Variants in ATP8A1 observed in about 807,000 individuals in gnomAD.
ATP8A1 encodes the protein phospholipid-transporting ATPase IA.
Under a neutral mutation model 177.7 loss-of-function variants are expected in ATP8A1, and 90 were observed. The ratio of observed to expected loss-of-function variants is 0.51; its 90% CI spans 0.43 to 0.60. The LOEUF (loss-of-function observed/expected upper bound fraction) is 0.60. ATP8A1 is among the 20% of genes least tolerant of loss of function. The pLI is 0.00. For synonymous variants in ATP8A1, 493 were observed against 485.9 expected (o/e 1.01, Z -0.19); for missense variants, 1,072 against 1,392.8 (o/e 0.77, Z 3.67).
chr4:42,564,799 T>C (rs1351975520), intron 15 of ATP8A1, among the ~76,000 whole-genome samples: 1 of 152,128 alleles, frequency 6.6e-6, no homozygotes, highest in African/African-American at 2.4e-5. Flanking sequence ...GGTTTTGAAA[T>C]GTGAGGACAT....
chr4:42,540,581 A>G (rs1284811777), intron 20 of ATP8A1, among the ~76,000 whole-genome samples: 2 of 152,076 alleles, frequency 1.3e-5, no homozygotes, highest in Non-Finnish European at 2.9e-5. Flanking sequence ...GTATATACAC[A>G]CAATGGTATA....
intron 25 of ATP8A1, among the ~76,000 whole-genome samples, chr4:42,477,455 A>C (rs1465076074): frequency 6.6e-6 from 1 of 152,136 alleles, no homozygotes; most frequent in Non-Finnish European, 1.5e-5. Context: ...TTATACATAT[A>C]CGCCACAGCC....
At chr4:42,541,667 A>G (rs1443955051) in intron 20 of ATP8A1, among the ~76,000 whole-genome samples, 1 of 152,254 alleles carries the variant, frequency 6.6e-6, no homozygotes. Flanking sequence ...GCACATCCAG[A>G]CAATGGATTA....
intron 33 of ATP8A1, among the ~76,000 whole-genome samples, chr4:42,426,677 G>A (rs1313484932): frequency 6.6e-6 from 1 of 152,110 alleles, no homozygotes; most frequent in Non-Finnish European, 1.5e-5. Context: ...CTTGTCTCTG[G>A]TTCTTTCCAG....
chr4:42,522,925 G>C (rs985582502), intron 21 of ATP8A1, among the ~76,000 whole-genome samples: 1 of 152,138 alleles, frequency 6.6e-6, no homozygotes, highest in African/African-American at 2.4e-5. Context: ...CAGGGACCCA[G>C]AGTTCTTCAG....
chr4:42,423,380 A>C (rs1289371922), intron 34 of ATP8A1, among the ~76,000 whole-genome samples: 1 of 151,998 alleles, frequency 6.6e-6, no homozygotes, highest in Non-Finnish European at 1.5e-5. Context: ...CCCCGATGTA[A>C]TTTTCTCCAG....
Position 42,464,968 on chromosome 4 carries a change from T to G in ATP8A1, c.2433A>C (p.Thr811=). 1 of 1,614,230 alleles carries G rather than the reference T, an allele frequency of 6.2e-7. No homozygotes were observed. Among genetic ancestry groups the G allele is most frequent in the African/African-American group, 1.3e-5 (1 of 75,056 alleles). ...DGANDVSMIQ[T]AHVGVGISGN... is the part of the protein sequence containing the mutation. ...CACTGATACCAACACCAACGTGCGCTGTCTGTATCATGCTGACATCATTTG... is the reference window on the plus strand; with the variant it reads ...CACTGATACCAACACCAACGTGCGCGGTCTGTATCATGCTGACATCATTTG... Residue 811 remains threonine (T), a synonymous_variant, in exon 26 of 37, where the codon ACA becomes ACC. Coordinates refer to ENST00000381668, the MANE Select transcript of ATP8A1 (RefSeq NM_006095.2).
At chr4:42,418,251 C>G (rs907542325) in intron 35 of ATP8A1, among the ~76,000 whole-genome samples, 1 of 152,114 alleles carries the variant, frequency 6.6e-6, no homozygotes, top group Non-Finnish European at 1.5e-5. Context: ...TCAGTGAGGA[C>G]TGACCTGAAG....
intron 33 of ATP8A1, among the ~76,000 whole-genome samples, chr4:42,437,129 G>A (rs1577929354): frequency 1.3e-5 from 2 of 152,150 alleles, no homozygotes; most frequent in South Asian, 2.1e-4. Context: ...GATGGTGCTC[G>A]GGAGGACTTT....
chr4:42,431,787 A>C (rs1240705933), intron 33 of ATP8A1, among the ~76,000 whole-genome samples: 1 of 152,114 alleles, frequency 6.6e-6, no homozygotes, highest in Non-Finnish European at 1.5e-5. Context: ...TCTCTTTTTA[A>C]AACCTATCTG....
At position 42,588,248 on chromosome 4, in the gene ATP8A1, A is replaced by G; in HGVS notation, c.594+12T>C. 1 of 1,595,322 alleles carries G rather than the reference A, an allele frequency of 6.3e-7. No individual in the cohort carries two copies. The highest frequency in any genetic ancestry group is 8.6e-7 in the Non-Finnish European group (1 of 1,163,958). On this transcript the variant is annotated intron_variant, in intron 8 of 36. Transcript: ENST00000381668. ...TAGCAGTGATTATACATATACTTGT[A>G]TCAGATCTTACCTGTCTAATTTTCA...
At chr4:42,589,407 C>A (rs1577655520) in intron 7 of ATP8A1, among the ~76,000 whole-genome samples, 1 of 152,302 alleles carries the variant, frequency 6.6e-6, no homozygotes, top group Non-Finnish European at 1.5e-5. Flanking sequence ...CCAACTTGTA[C>A]ATGTGCAAAA....
intron 5 of ATP8A1, among the ~76,000 whole-genome samples, chr4:42,600,752 T>G (rs925962627): frequency 3.3e-5 from 5 of 152,256 alleles, no homozygotes; most frequent in East Asian, 1.9e-4. Flanking sequence ...TGATTGGTGT[T>G]ACCAAGGGCT....
chr4:42,627,153 C>A, intron 1 of ATP8A1, 44 bp from the exon 2 acceptor site: 1 of 1,452,114 alleles, frequency 6.9e-7, no homozygotes, highest in Non-Finnish European at 9.6e-7. Flanking sequence ...GTTTTATTGT[C>A]CAGACCAAAA....
At chr4:42,567,918 T>C (rs931860487) in intron 15 of ATP8A1, among the ~76,000 whole-genome samples, 1 of 152,178 alleles carries the variant, frequency 6.6e-6, no homozygotes, top group Non-Finnish European at 1.5e-5. Context: ...CTGAGTTATT[T>C]TAGAGGATAT....
At chr4:42,635,814 C>CATGT (rs1739278995) in intron 1 of ATP8A1, among the ~76,000 whole-genome samples, 2 of 33,638 alleles carry the variant, frequency 5.9e-5, no homozygotes, top group South Asian at 2.2e-3. Context: ...TATATATACA[C>CATGT]ATGTATGTAT....
chr4:42,483,902 G>A (rs914677363), intron 25 of ATP8A1, among the ~76,000 whole-genome samples: 4 of 151,976 alleles, frequency 2.6e-5, no homozygotes, highest in Admixed American at 6.6e-5. Flanking sequence ...GTCGCACTGC[G>A]CCCAGCACAC....
chr4:42,622,661 A>G (rs1737598768), intron 4 of ATP8A1, among the ~76,000 whole-genome samples: 1 of 152,212 alleles, frequency 6.6e-6, no homozygotes, highest in Non-Finnish European at 1.5e-5. Context: ...CAAAGGTCTA[A>G]TATCCGGCAT....
At chr4:42,591,316 G>A (rs2109369097) in intron 6 of ATP8A1, among the ~76,000 whole-genome samples, 1 of 144,890 alleles carries the variant, frequency 6.9e-6, no homozygotes, top group South Asian at 2.2e-4. Context: ...TTGTGATAGG[G>A]TCTTGAAAAA....
Sources: allele counts gnomAD v4.1 joint callset (sites outside exome capture counted in the v4.1 genomes callset), GRCh38; gene constraint gnomAD v4.1.1; transcripts MANE v1.5; gene names NCBI Gene and HGNC (gene_info 2026-07-23, HGNC 2026-07-21).